COL23A1: variants seen among roughly 807,000 people sequenced by gnomAD.
The protein encoded by COL23A1 is collagen type XXIII alpha 1 chain, also known as collagen alpha-1(XXIII) chain.
A neutral mutation model predicts 99.3 loss-of-function variants in COL23A1; 97 were observed. The ratio of observed to expected loss-of-function variants is 0.98; its 90% CI spans 0.83 to 1.16. The LOEUF (loss-of-function observed/expected upper bound fraction) is 1.16. Ranked by LOEUF, COL23A1 falls within the 50% of genes most tolerant of loss-of-function variation. COL23A1 has a pLI of 0.00. For synonymous variants in COL23A1, 320 were observed against 308.2 expected (o/e 1.04, Z -0.40); for missense variants, 762 against 757.4 (o/e 1.01, Z -0.07).
chr5:178,348,925 C>G (rs530868892), intron 2 of COL23A1, among the ~76,000 whole-genome samples: 283 of 152,308 alleles, frequency 1.9e-3, no homozygotes, highest in Middle Eastern at 3.4e-3. Context: ...CCTCCCCCAC[C>G]CGCGTCAGCA....
intron 2 of COL23A1, among the ~76,000 whole-genome samples, chr5:178,483,585 T>G (rs1255488729): frequency 1.3e-5 from 2 of 152,256 alleles, no homozygotes; most frequent in Non-Finnish European, 2.9e-5. Flanking sequence ...AATAATTACA[T>G]AAAAATATTT....
rs75474708 is a variant in COL23A1 at position 178,248,747 on chromosome 5, G to A, written c.1149+370C>T. On this transcript the variant is annotated intron_variant, in intron 19 of 28. Coordinates refer to ENST00000390654, the MANE Select transcript of COL23A1 (RefSeq NM_173465.4). The stretch of plus-strand genomic sequence containing the variant: ...CCCCCACTTTGGAGGTGAGGAAACC[G>A]AGGCCCCAGGAGGTTAGGTTGCTCG... Among the ~76,000 whole-genome samples, 1,289 of 152,326 alleles carry A rather than the reference G, an allele frequency of 8.5e-3. 22 individuals are homozygous for A. The highest frequency in any genetic ancestry group is 0.03 in the African/African-American group (1,227 of 41,574).
chr5:178,505,921 G>A (rs987407535), intron 2 of COL23A1, among the ~76,000 whole-genome samples: 3 of 152,054 alleles, frequency 2.0e-5, no homozygotes, highest in South Asian at 4.1e-4. Flanking sequence ...AGACCCCAAG[G>A]AGAAGACACA....
chr5:178,315,215 A>G (rs1487417897), intron 2 of COL23A1, among the ~76,000 whole-genome samples: 3 of 152,138 alleles, frequency 2.0e-5, no homozygotes, highest in Non-Finnish European at 4.4e-5. Flanking sequence ...TCCTGGTGAC[A>G]TACCAGCCGT....
At chr5:178,577,928 G>A (rs1298046666) in intron 1 of COL23A1, among the ~76,000 whole-genome samples, 4 of 152,234 alleles carry the variant, frequency 2.6e-5, no homozygotes, top group Non-Finnish European at 4.4e-5. Context: ...ACACTTGGAC[G>A]GGATAACTTC....
At chr5:178,368,699 C>G (rs562158974) in intron 2 of COL23A1, among the ~76,000 whole-genome samples, 2 of 152,232 alleles carry the variant, frequency 1.3e-5, no homozygotes, top group East Asian at 3.9e-4. Context: ...CTCCAGAAGC[C>G]GTCAGCCTCC....
chr5:178,349,501 T>TCCCCCCCCCCC (rs1761186044), intron 2 of COL23A1, among the ~76,000 whole-genome samples: 1 of 81,750 alleles, frequency 1.2e-5, no homozygotes, highest in Non-Finnish European at 2.2e-5. Flanking sequence ...GGCGGGCCCA[T>TCCCCCCCCCCC]CCCCCATGCC....
chr5:178,322,711 A>G (rs1188840691), intron 2 of COL23A1, among the ~76,000 whole-genome samples: 2 of 152,302 alleles, frequency 1.3e-5, no homozygotes, highest in East Asian at 3.9e-4. Context: ...TTTGTACCCA[A>G]TCCCAGGGCC....
At chr5:178,241,447 AGAG>A (rs1764393690) in intron 27 of COL23A1, among the ~76,000 whole-genome samples, 1 of 152,088 alleles carries the variant, frequency 6.6e-6, no homozygotes, top group Admixed American at 6.5e-5. Context: ...AGCCAGCCAG[AGAG>A]GTCAGGGTGG....
chr5:178,330,944 C>T (rs565110395), intron 2 of COL23A1, among the ~76,000 whole-genome samples: 75 of 152,338 alleles, frequency 4.9e-4, no homozygotes, highest in Non-Finnish European at 7.5e-4. Flanking sequence ...GAACAAGCTC[C>T]GCCTTCACTC....
At chr5:178,535,156 CAG>C (rs1331094037) in intron 2 of COL23A1, among the ~76,000 whole-genome samples, 1 of 151,872 alleles carries the variant, frequency 6.6e-6, no homozygotes, top group Non-Finnish European at 1.5e-5. Context: ...GTATTTTTAG[CAG>C]AGACAGGGTT....
chr5:178,513,797 C>A (rs1031954140), intron 2 of COL23A1, among the ~76,000 whole-genome samples: 1 of 152,210 alleles, frequency 6.6e-6, no homozygotes, highest in Non-Finnish European at 1.5e-5. Context: ...ACGGTCAGCA[C>A]AGGCAGGTGG....
intron 2 of COL23A1, among the ~76,000 whole-genome samples, chr5:178,464,966 A>G (rs1343078064): frequency 1.3e-5 from 2 of 152,230 alleles, no homozygotes; most frequent in Admixed American, 1.3e-4. Context: ...TGCCTATGGA[A>G]CAACGCCTTG....
chr5:178,467,027 T>C (rs1477897889), intron 2 of COL23A1, among the ~76,000 whole-genome samples: 1 of 152,192 alleles, frequency 6.6e-6, no homozygotes, highest in Non-Finnish European at 1.5e-5. Context: ...TATATGTATA[T>C]ATATACGTAA....
chr5:178,358,735 G>C (rs1245517698), intron 2 of COL23A1, among the ~76,000 whole-genome samples: 4 of 112,246 alleles, frequency 3.6e-5, no homozygotes, highest in East Asian at 2.6e-4. Flanking sequence ...ATGTGTGTAT[G>C]TGTATCTGTG....
Position 178,460,196 on chromosome 5 carries a change from C to T in COL23A1, c.361+100486G>A, listed in dbSNP as rs73805815. On this transcript the variant is annotated intron_variant, in intron 2 of 28. Transcript: ENST00000390654. The stretch of plus-strand genomic sequence containing the variant: ...ACAGCCAAGAACTCAGAGGATTTGC[C>T]ATGCAGAACCCCCAGATTTTATCAA... Among the ~76,000 whole-genome samples, 1,054 of 152,190 alleles carry T rather than the reference C, an allele frequency of 6.9e-3. 18 individuals carry two copies. The highest frequency in any genetic ancestry group is 0.023 in the African/African-American group (951 of 41,508).
chr5:178,459,624 T>A (rs963213771), intron 2 of COL23A1, among the ~76,000 whole-genome samples: 1 of 152,110 alleles, frequency 6.6e-6, no homozygotes, highest in African/African-American at 2.4e-5. Flanking sequence ...TAGTCGGGCG[T>A]GGTGGCGTGC....
rs1581344493 is a variant in COL23A1 at position 178,415,461 on chromosome 5, A to T, written c.362-108542T>A. On this transcript the variant is annotated intron_variant, in intron 2 of 28. Coordinates refer to ENST00000390654, the MANE Select transcript of COL23A1 (RefSeq NM_173465.4). This position sits in a 1 kb window ranked among gnomAD's most constrained non-coding sequence, Gnocchi z 4.6. Reference sequence around the variant, plus strand: ...GGGCCCGGGCCCTGGAGCACGGCTCACCCTGCTGCCTCTCTGCACAGGCTT... The same window carrying T: ...GGGCCCGGGCCCTGGAGCACGGCTCTCCCTGCTGCCTCTCTGCACAGGCTT... Among the ~76,000 whole-genome samples, 1 of 151,814 alleles carries T rather than the reference A, an allele frequency of 6.6e-6. No homozygotes were observed. Among genetic ancestry groups the T allele is most frequent in the Non-Finnish European group, 1.5e-5 (1 of 67,916 alleles).
rs796933100 is a variant in COL23A1, at chr5:178,503,812, TA to T, written c.361+56869del. Among the ~76,000 whole-genome samples the T allele has an allele frequency of 6.6e-4, 99 of 150,470 alleles. 1 individual carries two copies. The highest frequency in any genetic ancestry group is 2.3e-3 in the African/African-American group (93 of 40,978). ...TTTGAAATTATTTTAAATAAAACAT[TA>T]AAAAAAAAGAAGGGGAAGGGGCATA... On this transcript the variant is annotated intron_variant, in intron 2 of 28. Coordinates refer to ENST00000390654, the MANE Select transcript of COL23A1 (RefSeq NM_173465.4).
Sources: allele counts gnomAD v4.1 joint callset (sites outside exome capture counted in the v4.1 genomes callset), GRCh38; gene constraint gnomAD v4.1.1; non-coding constraint Gnocchi (gnomAD v3.1); transcripts MANE v1.5; gene names NCBI Gene and HGNC (gene_info 2026-07-23, HGNC 2026-07-21).